DECR1: variants seen among roughly 807,000 people sequenced by gnomAD.
DECR1 encodes the protein 2,4-dienoyl-CoA reductase 1, also known as 2,4-dienoyl-CoA reductase [(3E)-enoyl-CoA-producing], mitochondrial.
DECR1 carries 44 observed loss-of-function variants against 38.8 expected under a neutral mutation model. That is an observed-to-expected ratio of 1.13 (90% CI 0.89 to 1.46). The LOEUF is 1.46. DECR1 is among the 40% of genes most tolerant of loss of function. The pLI is 0.00. For synonymous variants in DECR1, 148 were observed against 135.2 expected (o/e 1.09, Z -0.66); for missense variants, 428 against 405.5 (o/e 1.06, Z -0.48).
Position 90,052,074 on chromosome 8 carries a change from T to C in DECR1, c.*177T>C. 1.8e-6 allele frequency: 1 copy of C among 545,104 alleles called. No individual in the cohort carries two copies. The highest frequency in any genetic ancestry group is 3.1e-6 in the Non-Finnish European group (1 of 321,144). The allele number at this position is 545,104 out of a possible 1,614,324, so 33.8% of individuals were successfully genotyped here. ...ATATTCAAAGATAAATAAAATGAAA[T>C]ATAGTCCTTCAAAACATTAAAAAAA... On this transcript the variant is annotated 3_prime_UTR_variant, in exon 10 of 10. Transcript: ENST00000220764.
chr8:90,026,184 CT>C (rs1461581351), intron 5 of DECR1, among the ~76,000 whole-genome samples: 2 of 151,750 alleles, frequency 1.3e-5, no homozygotes, highest in African/African-American at 4.8e-5. Flanking sequence ...CTAAAATTAT[CT>C]TTTGTTGTTG....
At chr8:90,005,152 G>A in intron 1 of DECR1, 1 of 340,622 alleles carries the variant, frequency 2.9e-6, no homozygotes, top group African/African-American at 2.1e-5. Context: ...AATTCAAGTG[G>A]TTTGTTTGGT....
At chr8:90,036,278 A>C (rs1360360283) in intron 5 of DECR1, among the ~76,000 whole-genome samples, 1 of 151,892 alleles carries the variant, frequency 6.6e-6, no homozygotes, top group African/African-American at 2.4e-5. Context: ...CCTCCTCCTC[A>C]TCCTTCCATC....
At chr8:90,049,554 C>T (rs1814011532) in intron 8 of DECR1, among the ~76,000 whole-genome samples, 1 of 152,180 alleles carries the variant, frequency 6.6e-6, no homozygotes, top group African/African-American at 2.4e-5. Flanking sequence ...AAGAACATTC[C>T]ATGCTCATGG....
intron 8 of DECR1, among the ~76,000 whole-genome samples, chr8:90,048,842 C>G (rs138090004): frequency 0.043 from 6,504 of 152,236 alleles, 282 homozygotes; most frequent in East Asian, 0.19. Context: ...TTATCCACCA[C>G]GATCAAGTGG....
At chr8:90,018,821 C>A (rs1307596454) in intron 2 of DECR1, 88 bp from the exon 3 acceptor site, 4 of 1,038,678 alleles carry the variant, frequency 3.9e-6, no homozygotes, top group Non-Finnish European at 5.9e-6. Flanking sequence ...CTCAGAAATG[C>A]TTTTCTTTAA....
At chr8:90,016,594 A>T (rs1362592187) in intron 1 of DECR1, 1 of 155,296 alleles carries the variant, frequency 6.4e-6, no homozygotes, top group African/African-American at 2.4e-5. Flanking sequence ...AGCCAAGATC[A>T]TGCCACTGCA....
chr8:90,033,238 A>G (rs1432556735), intron 5 of DECR1, among the ~76,000 whole-genome samples: 5 of 152,166 alleles, frequency 3.3e-5, no homozygotes, highest in African/African-American at 4.8e-5. Context: ...TGCACATATC[A>G]TAGCTTTTTT....
intron 8 of DECR1, among the ~76,000 whole-genome samples, chr8:90,051,120 A>G (rs558711505): frequency 6.6e-6 from 1 of 151,888 alleles, no homozygotes; most frequent in Non-Finnish European, 1.5e-5. Flanking sequence ...ACATGTATAC[A>G]TATGTAACAA....
Position 90,052,090 on chromosome 8 carries a change from A to G in DECR1, c.*193A>G, listed in dbSNP as rs1165471245. On this transcript the variant is annotated 3_prime_UTR_variant, in exon 10 of 10. Transcript: ENST00000220764. ...AAAATGAAATATAGTCCTTCAAAAC[A>G]TTAAAAAAAAAAAAAGGAGGCATGG... is the stretch of plus-strand genomic sequence containing the variant. The G allele has an allele frequency of 1.8e-5, 9 of 512,430 alleles. No homozygotes were observed. Among genetic ancestry groups the G allele is most frequent in the Non-Finnish European group, 3.0e-5 (9 of 301,594 alleles). The allele number at this position is 512,430 out of a possible 1,614,324, so 31.7% of individuals were successfully genotyped here.
chr8:90,005,809 G>T, intron 1 of DECR1: 1 of 305,210 alleles, frequency 3.3e-6, no homozygotes. Flanking sequence ...ATCTGCATCT[G>T]GTGACGGCCT....
At chr8:90,021,083 T>A in intron 5 of DECR1, 27 bp downstream of exon 5, 2 of 1,540,040 alleles carry the variant, frequency 1.3e-6, no homozygotes, top group Non-Finnish European at 1.7e-6. Flanking sequence ...TTCTCATATT[T>A]ATTTGGCTTC....
At chr8:90,005,873 T>TGGA (rs1257097311) in intron 1 of DECR1, 1 of 337,180 alleles carries the variant, frequency 3.0e-6, no homozygotes, top group Non-Finnish European at 5.7e-6. Flanking sequence ...TTTGCAGAGA[T>TGGA]GGAAGTGAGG....
chr8:90,009,571 C>T (rs1812833186), intron 1 of DECR1, among the ~76,000 whole-genome samples: 2 of 151,754 alleles, frequency 1.3e-5, no homozygotes, highest in Non-Finnish European at 2.9e-5. Context: ...GCTCAATAAA[C>T]ACTTGCTTAA....
intron 7 of DECR1, among the ~76,000 whole-genome samples, chr8:90,043,677 T>C (rs1813819142): frequency 6.6e-6 from 1 of 152,136 alleles, no homozygotes; most frequent in Non-Finnish European, 1.5e-5. Context: ...TATTTAGCAG[T>C]TTAAAGGATG....
chr8:90,035,796 G>GT (rs900295599), intron 5 of DECR1, among the ~76,000 whole-genome samples: 5 of 151,784 alleles, frequency 3.3e-5, no homozygotes, highest in South Asian at 2.1e-4. Context: ...GAGGTGTGTG[G>GT]TTTTTTTTAT....
At chr8:90,027,060 C>T (rs558793024) in intron 5 of DECR1, among the ~76,000 whole-genome samples, 26 of 152,054 alleles carry the variant, frequency 1.7e-4, no homozygotes, top group Non-Finnish European at 3.4e-4. Flanking sequence ...CCTGAGTTGT[C>T]GTTTGATTGC....
chr8:90,035,739 ATGT>A (rs904547702), intron 5 of DECR1, among the ~76,000 whole-genome samples: 1 of 151,174 alleles, frequency 6.6e-6, no homozygotes, highest in African/African-American at 2.4e-5. Flanking sequence ...TGTGAATGTT[ATGT>A]TGTTGTTCTG....
chr8:90,050,178 A>G lies in DECR1; in HGVS notation c.886-1499A>G, dbSNP rs576385369. Among the ~76,000 whole-genome samples the G allele has an allele frequency of 5.3e-5, 8 of 152,300 alleles. No individual in the cohort carries two copies. The East Asian group carries it at 5.8e-4, about 11-fold the overall frequency. On this transcript the variant is annotated intron_variant, in intron 8 of 9. Coordinates refer to ENST00000220764, the MANE Select transcript of DECR1 (RefSeq NM_001359.2). ...CCACAAAAGCCAAAATAGACAAATG[A>G]GATCTAATTAAACTAAAGAGCCTCT...
Sources: gnomAD v4.1 joint callset for allele counts (sites outside exome capture counted in the v4.1 genomes callset) on GRCh38, gnomAD v4.1.1 for gene constraint, MANE v1.5 for transcripts, NCBI Gene and HGNC (gene_info 2026-07-23, HGNC 2026-07-21) for gene names.